TMEFF2: variants seen among roughly 807,000 people sequenced by gnomAD.
The protein encoded by TMEFF2 is transmembrane protein with EGF like and two follistatin like domains 2.
TMEFF2 carries 28 observed loss-of-function variants against 53.8 expected under a neutral mutation model. The observed-to-expected ratio is 0.52, with a 90% CI of 0.39 to 0.71. The LOEUF (loss-of-function observed/expected upper bound fraction) is 0.71, where lower values mean the gene tolerates loss of function less well. Among genes scored for constraint, TMEFF2 ranks in the 30% least tolerant of loss-of-function variants. The probability of loss-of-function intolerance (pLI) is 0.00; values close to 1 mark genes in which losing one functional copy is unlikely to be tolerated. For synonymous variants in TMEFF2, 162 were observed against 166.3 expected (o/e 0.97, Z 0.20); for missense variants, 353 against 455.2 (o/e 0.78, Z 2.04).
chr2:192,037,269 A>AAAAAAAG (rs1440087652), intron 5 of TMEFF2: 1 of 72,538 alleles, frequency 1.4e-5, no homozygotes, highest in Non-Finnish European at 2.9e-5. Flanking sequence ...AAGACTAGCC[A>AAAAAAAG]AAATAAAGAA....
chr2:192,151,010 A>T (rs529617999), intron 4 of TMEFF2, among the ~76,000 whole-genome samples: 5 of 151,752 alleles, frequency 3.3e-5, no homozygotes, highest in Admixed American at 2.6e-4. Context: ...ACCATATGGG[A>T]GGTGATTGGA....
chr2:191,968,549 G>C (rs907049519), intron 7 of TMEFF2, among the ~76,000 whole-genome samples: 2 of 152,186 alleles, frequency 1.3e-5, no homozygotes, highest in Admixed American at 6.5e-5. Context: ...TTAGACCAGA[G>C]TTTCCTGAGG....
chr2:192,099,373 T>C (rs1280385232), intron 4 of TMEFF2, among the ~76,000 whole-genome samples: 2 of 152,176 alleles, frequency 1.3e-5, no homozygotes, highest in East Asian at 1.9e-4. Flanking sequence ...AGTAAATCCA[T>C]GAACTAATTC....
intron 4 of TMEFF2, among the ~76,000 whole-genome samples, chr2:192,132,857 GA>G (rs999402861): frequency 6.6e-6 from 1 of 152,138 alleles, no homozygotes; most frequent in Middle Eastern, 3.2e-3. Flanking sequence ...AAGGCTCTTT[GA>G]CCGACTCCTT....
chr2:192,003,924 T>TG (rs762519094), intron 5 of TMEFF2, among the ~76,000 whole-genome samples: 24 of 98,602 alleles, frequency 2.4e-4, no homozygotes, highest in African/African-American at 1.0e-3. Context: ...TTTGTGTGTG[T>TG]GTGTGGGGGG....
intron 4 of TMEFF2, among the ~76,000 whole-genome samples, chr2:192,105,481 C>T (rs1176381058): frequency 6.6e-6 from 1 of 151,904 alleles, no homozygotes; most frequent in Non-Finnish European, 1.5e-5. Context: ...TCCCTCACAA[C>T]CACCCTTCGA....
chr2:192,035,722 CT>C (rs1687274701), intron 5 of TMEFF2, among the ~76,000 whole-genome samples: 1 of 152,200 alleles, frequency 6.6e-6, no homozygotes, highest in Non-Finnish European at 1.5e-5. Context: ...ACTCCTGCAG[CT>C]CTTTCTGTCT....
intron 4 of TMEFF2, among the ~76,000 whole-genome samples, chr2:192,078,135 T>C (rs753457460): frequency 2.6e-5 from 4 of 152,144 alleles, no homozygotes; most frequent in Non-Finnish European, 4.4e-5. Flanking sequence ...TAATTAAAAA[T>C]TGATGGGTTC....
intron 7 of TMEFF2, among the ~76,000 whole-genome samples, chr2:191,964,370 T>TCTC (rs1692388914): frequency 1.3e-5 from 1 of 74,852 alleles, no homozygotes; most frequent in Non-Finnish European, 2.7e-5. Flanking sequence ...CTTTCTTTCT[T>TCTC]TCTCTTTCTT....
chr2:192,152,031 G>A (rs918476036), intron 4 of TMEFF2, among the ~76,000 whole-genome samples: 2 of 151,792 alleles, frequency 1.3e-5, no homozygotes, highest in Admixed American at 6.6e-5. Context: ...AGGGCTTGAG[G>A]TCCCATAACA....
At chr2:192,023,088 T>G (rs1686893426) in intron 5 of TMEFF2, among the ~76,000 whole-genome samples, 1 of 152,170 alleles carries the variant, frequency 6.6e-6, no homozygotes, top group Non-Finnish European at 1.5e-5. Context: ...TTGTACGGAT[T>G]GTGATTTATG....
chr2:192,117,371 A>G (rs1308862749), intron 4 of TMEFF2, among the ~76,000 whole-genome samples: 2 of 152,208 alleles, frequency 1.3e-5, no homozygotes, highest in African/African-American at 4.8e-5. Context: ...AAAATTTAAA[A>G]TACTGGTAGT....
intron 7 of TMEFF2, among the ~76,000 whole-genome samples, chr2:191,993,474 C>G (rs548963549): frequency 2.0e-5 from 3 of 152,108 alleles, no homozygotes; most frequent in East Asian, 3.9e-4. Context: ...GGCCCTGTCT[C>G]CCCTCCGAGG....
chr2:191,986,145 CTA>C (rs1685969362), intron 7 of TMEFF2, among the ~76,000 whole-genome samples: 1 of 152,142 alleles, frequency 6.6e-6, no homozygotes, highest in Admixed American at 6.6e-5. Context: ...AAATATATTT[CTA>C]TGAGCCAAGG....
At chr2:191,985,735 T>C (rs1312097066) in intron 7 of TMEFF2, among the ~76,000 whole-genome samples, 1 of 152,230 alleles carries the variant, frequency 6.6e-6, no homozygotes, top group African/African-American at 2.4e-5. Context: ...TGGCAAAGTC[T>C]TGCTCGTTTA....
chr2:192,176,297 T>C (rs756230111), intron 4 of TMEFF2, among the ~76,000 whole-genome samples: 3 of 151,346 alleles, frequency 2.0e-5, no homozygotes, highest in Non-Finnish European at 4.4e-5. Context: ...ACAAGTTTAT[T>C]TGATGTAGAT....
intron 4 of TMEFF2, among the ~76,000 whole-genome samples, chr2:192,131,699 C>T (rs6731861): frequency 0.014 from 2,136 of 152,246 alleles, 48 homozygotes; most frequent in African/African-American, 0.047. Flanking sequence ...TATGGGCAAG[C>T]TTCCACCTTC....
At chr2:191,981,659 T>C (rs533477407) in intron 7 of TMEFF2, among the ~76,000 whole-genome samples, 1 of 152,222 alleles carries the variant, frequency 6.6e-6, no homozygotes, top group Non-Finnish European at 1.5e-5. Context: ...ATTTGGCATA[T>C]GTGTATTTGT....
intron 5 of TMEFF2, among the ~76,000 whole-genome samples, chr2:192,010,793 C>A (rs1686608187): frequency 6.6e-6 from 1 of 152,172 alleles, no homozygotes; most frequent in Non-Finnish European, 1.5e-5. Flanking sequence ...ACTACTTACA[C>A]CTGGCGGGTA....
Sources: gnomAD v4.1 joint callset for allele counts (sites outside exome capture counted in the v4.1 genomes callset) on GRCh38, gnomAD v4.1.1 for gene constraint, MANE v1.5 for transcripts, NCBI Gene and HGNC (gene_info 2026-07-23, HGNC 2026-07-21) for gene names.